The following SCN3A variants were observed in gnomAD, a reference collection of about 807,000 sequenced individuals.
The protein encoded by SCN3A is sodium channel protein type 3 subunit alpha.
Under a neutral mutation model 187.6 loss-of-function variants are expected in SCN3A, and 60 were observed. The observed-to-expected ratio is 0.32, with a 90% confidence interval of 0.26 to 0.40. The LOEUF is 0.40. SCN3A is among the 10% of genes least tolerant of loss of function. The pLI is 1.00. For missense variants in SCN3A, 1,601 were observed against 2,428.2 expected, an observed-to-expected ratio of 0.66 and a Z score of 7.16; for synonymous variants, 788 against 829.2, an observed-to-expected ratio of 0.95 and a Z score of 0.85.
At chr2:165,156,732 T>TAATTGAG (rs1203366838) in intron 9 of SCN3A, among the ~76,000 whole-genome samples, 1 of 152,006 alleles carries the variant, frequency 6.6e-6, no homozygotes, top group Non-Finnish European at 1.5e-5. Context: ...TGTTATTATT[T>TAATTGAG]AATTGAGATG....
At chr2:165,172,261 A>G (rs1690154783) in intron 3 of SCN3A, among the ~76,000 whole-genome samples, 1 of 152,146 alleles carries the variant, frequency 6.6e-6, no homozygotes, top group Admixed American at 6.5e-5. Context: ...TTCAGAAACT[A>G]CACAGTTTCT....
At chr2:165,162,886 A>T (rs1689497446) in intron 7 of SCN3A, 58 bp from the exon 8 acceptor site, 1 of 1,572,938 alleles carries the variant, frequency 6.4e-7, no homozygotes, top group African/African-American at 1.3e-5. Flanking sequence ...ATGATTTCTT[A>T]ATAGTCACAC....
rs1222751051 is a variant in SCN3A at position 165,090,400 on chromosome 2, T to A, written c.5753A>T (p.Gln1918Leu). 1 of 1,612,854 alleles carries A rather than the reference T, an allele frequency of 6.2e-7. No individual in the cohort carries two copies. Among genetic ancestry groups the A allele is most frequent in the African/African-American group, 1.3e-5 (1 of 74,886 alleles). Residue 1918 changes from glutamine to leucine, a missense_variant, in exon 28 of 28, where the codon CAA becomes CTA. Gln to Leu is a moderately radical substitution (Grantham distance 113). Coordinates refer to ENST00000283254, the MANE Select transcript of SCN3A (RefSeq NM_006922.4). The surrounding 1 kb of genome is among the most constrained non-coding windows in gnomAD (Gnocchi z 4.0). ...QRNFRCYLLK[Q>L]RLKNISSNYN... is the part of the protein sequence containing the mutation. ...GTTACTTGATATATTTTTTAACCTT[T>A]GCTTTAAAAGATAACATCTGAAATT...
At chr2:165,163,765 A>T (rs1416879362) in intron 6 of SCN3A, 56 bp from the exon 7 acceptor site, 1 of 1,613,300 alleles carries the variant, frequency 6.2e-7, no homozygotes, top group African/African-American at 1.3e-5. Context: ...AGTTGGAGAT[A>T]TAAGGGGCCT....
intron 12 of SCN3A, among the ~76,000 whole-genome samples, chr2:165,144,508 C>G (rs980236384): frequency 2.0e-5 from 3 of 152,138 alleles, no homozygotes; most frequent in Non-Finnish European, 4.4e-5. Flanking sequence ...CTTAAGCACT[C>G]CAGGCATGCT....
intron 18 of SCN3A, among the ~76,000 whole-genome samples, chr2:165,122,489 G>A (rs1168061006): frequency 2.6e-5 from 4 of 152,030 alleles, no homozygotes; most frequent in African/African-American, 9.7e-5. Context: ...ACAAAAAAAT[G>A]CATGCCCTCC....
rs1288607674 is a variant in SCN3A, at chr2:165,089,895, T to C, written c.*255A>G. 2 of 509,060 alleles carry C rather than the reference T, an allele frequency of 3.9e-6. No individual in the cohort carries two copies. The highest frequency in any genetic ancestry group is 7.1e-6 in the Non-Finnish European group (2 of 283,686). 31.5% of individuals were successfully genotyped at this position (509,060 alleles called of 1,614,324 possible). A position where few individuals can be genotyped will look rare whatever the true frequency, so the allele number is the denominator to read the frequency against. On this transcript the variant is annotated 3_prime_UTR_variant, in exon 28 of 28. Transcript: ENST00000283254. ...ACTTTGCACAACTATCCCTATAGTC[T>C]AGGTAGCCATTGGGTTTCTCCTCAG...
chr2:165,182,869 T>C (rs763051105), intron 2 of SCN3A, among the ~76,000 whole-genome samples: 12 of 151,454 alleles, frequency 7.9e-5, no homozygotes, highest in Non-Finnish European at 1.8e-4. Flanking sequence ...TCCCAGCACT[T>C]TGGAGGCTGA....
intron 2 of SCN3A, among the ~76,000 whole-genome samples, chr2:165,180,627 G>A (rs1690786308): frequency 6.6e-6 from 1 of 152,064 alleles, no homozygotes; most frequent in South Asian, 2.1e-4. Flanking sequence ...AGCATGGAGA[G>A]TTTGGGAGCA....
chr2:165,151,849 C>G (rs1382816838), intron 11 of SCN3A, among the ~76,000 whole-genome samples: 1 of 152,136 alleles, frequency 6.6e-6, no homozygotes, highest in Non-Finnish European at 1.5e-5. Flanking sequence ...AGAACACCAC[C>G]TGGCAATCAC....
intron 2 of SCN3A, among the ~76,000 whole-genome samples, chr2:165,183,872 TA>T (rs941787501): frequency 6.6e-6 from 1 of 152,094 alleles, no homozygotes; most frequent in African/African-American, 2.4e-5. Flanking sequence ...GAGATAGCAT[TA>T]AAAAAATCTG....
chr2:165,178,810 T>C (rs192401247), intron 2 of SCN3A, among the ~76,000 whole-genome samples: 14 of 152,278 alleles, frequency 9.2e-5, no homozygotes, highest in Admixed American at 9.2e-4. Flanking sequence ...AGTTGATCAT[T>C]TATTTTGTGT....
chr2:165,144,791 G>C (rs1688221904), intron 12 of SCN3A, among the ~76,000 whole-genome samples: 1 of 151,896 alleles, frequency 6.6e-6, no homozygotes, highest in African/African-American at 2.4e-5. Context: ...ATTTCCATGA[G>C]GTCAGTGGAT....
rs1553520270 is a variant in SCN3A at position 165,115,521 on chromosome 2, G to A, written c.3448C>T (p.Arg1150Ter). Residue 1150 changes from arginine (R) to a stop codon, truncating the protein, a stop_gained, in exon 19 of 28, where the codon CGA (arginine) becomes TGA (stop). Coordinates refer to ENST00000283254, the MANE Select transcript of SCN3A (RefSeq NM_006922.4). LOFTEE classifies it high-confidence loss of function. ...TCAGTTTCAGCTTGTTCACCTTCTC[G>A]GGGTAGAACAACATCAACTGTGCTT... ...EGSTVDVVLPREGEQAETEPE... is the reference protein window; with the variant it reads ...EGSTVDVVLP The A allele has an allele frequency of 1.9e-6, 3 of 1,613,426 alleles. No homozygotes were observed. The highest frequency in any genetic ancestry group is 2.5e-6 in the Non-Finnish European group (3 of 1,179,762).
At chr2:165,116,338 C>G (rs1300165552) in intron 18 of SCN3A, among the ~76,000 whole-genome samples, 2 of 152,164 alleles carry the variant, frequency 1.3e-5, no homozygotes, top group African/African-American at 4.8e-5. Context: ...GTGAATACTT[C>G]CTTTAACTAA....
At chr2:165,177,008 C>T (rs1690511730) in intron 2 of SCN3A, among the ~76,000 whole-genome samples, 1 of 152,134 alleles carries the variant, frequency 6.6e-6, no homozygotes, top group East Asian at 1.9e-4. Context: ...CCACTGTTCT[C>T]GTTGTCAGCA....
chr2:165,153,725 T>A (rs1042028919), intron 11 of SCN3A, among the ~76,000 whole-genome samples: 1 of 152,156 alleles, frequency 6.6e-6, no homozygotes, highest in African/African-American at 2.4e-5. Flanking sequence ...ATACCAAATG[T>A]TGGCAAAAAT....
chr2:165,158,191 A>C (rs1284929613), intron 9 of SCN3A, among the ~76,000 whole-genome samples: 1 of 140,368 alleles, frequency 7.1e-6, no homozygotes, highest in Non-Finnish European at 1.5e-5. Context: ...CAGTGGTTTC[A>C]GGATTGTTAA....
At position 165,090,192 on chromosome 2, in the gene SCN3A, T is replaced by C; in HGVS notation, c.5961A>G (p.Glu1987=). The C allele has an allele frequency of 6.2e-7, 1 of 1,600,718 alleles. No homozygotes were observed. The change falls in exon 28 of 28, where the codon GAA becomes GAG. Residue 1987 remains glutamate, a synonymous_variant. Transcript: ENST00000283254. This position sits in a 1 kb window ranked among gnomAD's most constrained non-coding sequence, Gnocchi z 4.0. ...DKEKFEKDKP[E]KESKGKEVRE... ...TGACCTCTTTTCCTTTGCTTTCTTT[T>C]TCTGGTTTGTCTTTCTCAAACTTTT... is the stretch of plus-strand genomic sequence containing the variant.
Sources: allele counts gnomAD v4.1 joint callset (sites outside exome capture counted in the v4.1 genomes callset), GRCh38; gene constraint gnomAD v4.1.1; non-coding constraint Gnocchi (gnomAD v3.1); transcripts MANE v1.5; gene names NCBI Gene and HGNC (gene_info 2026-07-23, HGNC 2026-07-21).